FNBP1L: variants seen among roughly 807,000 people sequenced by gnomAD.
The protein encoded by FNBP1L is formin-binding protein 1-like.
FNBP1L carries 36 observed loss-of-function variants against 91.2 expected under a neutral mutation model. The observed-to-expected ratio is 0.39, with a 90% CI of 0.30 to 0.52. The LOEUF (loss-of-function observed/expected upper bound fraction) is 0.52, where lower values mean the gene tolerates loss of function less well. Ranked by LOEUF, FNBP1L falls within the 20% of genes least tolerant of loss-of-function variation. The probability of loss-of-function intolerance (pLI) is 0.66; values close to 1 mark genes in which losing one functional copy is unlikely to be tolerated. For missense variants in FNBP1L, 571 were observed against 732.1 expected (o/e 0.78, Z 2.54); for synonymous variants, 242 against 237.0 (o/e 1.02, Z -0.19).
At chr1:93,515,420 T>C (rs566110813) in intron 2 of FNBP1L, among the ~76,000 whole-genome samples, 1 of 152,010 alleles carries the variant, frequency 6.6e-6, no homozygotes, top group South Asian at 2.1e-4. Flanking sequence ...ACTGGGTATA[T>C]ACCCAAAGGA....
At chr1:93,478,112 A>G (rs891003470) in intron 1 of FNBP1L, among the ~76,000 whole-genome samples, 4 of 152,352 alleles carry the variant, frequency 2.6e-5, no homozygotes, top group African/African-American at 9.6e-5. Flanking sequence ...CTGATAGTTC[A>G]AGAATGTAAA....
intron 2 of FNBP1L, among the ~76,000 whole-genome samples, chr1:93,511,215 G>A (rs181230003): frequency 1.1e-4 from 16 of 152,320 alleles, no homozygotes; most frequent in Admixed American, 2.0e-4. Flanking sequence ...GAAAGGTCGG[G>A]TTACCCTCAA....
In FNBP1L at chr1:93,553,042, A is replaced by G. The variant is rs1221131837; in HGVS notation, c.*626A>G. On this transcript the variant is annotated 3_prime_UTR_variant, in exon 17 of 17. Coordinates refer to ENST00000271234, the MANE Select transcript of FNBP1L (RefSeq NM_001164473.3). ...CTGCTATAACTTCCCCACTGCAAAC[A>G]TTCCAGTTTTGGCATTACGAAGAAG... is the stretch of plus-strand genomic sequence containing the variant. 6.6e-6 allele frequency: 1 copy of G among 152,408 alleles called. No homozygotes were observed. Among genetic ancestry groups the G allele is most frequent in the Non-Finnish European group, 1.5e-5 (1 of 68,052 alleles). 9.4% of individuals were successfully genotyped at this position (152,408 alleles called of 1,614,324 possible).
chr1:93,450,270 AT>A (rs1306434722), intron 1 of FNBP1L, among the ~76,000 whole-genome samples: 1 of 152,206 alleles, frequency 6.6e-6, no homozygotes, highest in Non-Finnish European at 1.5e-5. Flanking sequence ...TTTCTCAGCA[AT>A]CTGAAAAGAT....
intron 2 of FNBP1L, among the ~76,000 whole-genome samples, chr1:93,518,117 G>C (rs1671195452): frequency 6.6e-6 from 1 of 152,118 alleles, no homozygotes; most frequent in Non-Finnish European, 1.5e-5. Flanking sequence ...TCTGCATCGT[G>C]ATCCCAGAAG....
chr1:93,483,383 T>C (rs1176200876), intron 1 of FNBP1L, among the ~76,000 whole-genome samples: 1 of 152,156 alleles, frequency 6.6e-6, no homozygotes, highest in African/African-American at 2.4e-5. Flanking sequence ...TCCGTTTTAC[T>C]CAGTGCCTCC....
chr1:93,499,712 G>T (rs771115487), intron 2 of FNBP1L, 129 bp downstream of exon 2: 1 of 609,636 alleles, frequency 1.6e-6, no homozygotes, highest in Non-Finnish European at 2.8e-6. Context: ...TTAGGTAACC[G>T]GTTTGTTTTA....
intron 12 of FNBP1L, 138 bp downstream of exon 12, chr1:93,544,354 C>T (rs902346851): frequency 4.1e-6 from 2 of 490,154 alleles, no homozygotes; most frequent in African/African-American, 2.0e-5. Context: ...TATACTCCTA[C>T]CCTGGAAATT....
At chr1:93,552,364 A>G (rs748640603) in intron 16 of FNBP1L, 45 bp from the exon 17 acceptor site, 1 of 1,600,836 alleles carries the variant, frequency 6.2e-7, no homozygotes, top group African/African-American at 1.3e-5. Flanking sequence ...GGTTTTACCA[A>G]AGGTCTTCAG....
intron 1 of FNBP1L, among the ~76,000 whole-genome samples, chr1:93,465,664 A>T (rs1444914585): frequency 6.6e-6 from 1 of 152,214 alleles, no homozygotes; most frequent in African/African-American, 2.4e-5. Context: ...CAGTAAACAT[A>T]TGTGTACATA....
intron 10 of FNBP1L, among the ~76,000 whole-genome samples, chr1:93,538,451 C>G (rs761986998): frequency 9.9e-5 from 15 of 151,878 alleles, no homozygotes; most frequent in Non-Finnish European, 1.9e-4. Flanking sequence ...CTATACCACT[C>G]CAGAGAAGAA....
intron 1 of FNBP1L, among the ~76,000 whole-genome samples, chr1:93,459,795 C>T (rs1283247506): frequency 2.0e-5 from 3 of 152,162 alleles, no homozygotes; most frequent in Admixed American, 2.0e-4. Context: ...ATTATTCACA[C>T]TAGTCAAGAT....
At chr1:93,525,096 A>G (rs141981807) in intron 5 of FNBP1L, among the ~76,000 whole-genome samples, 110 of 151,018 alleles carry the variant, frequency 7.3e-4, no homozygotes, top group African/African-American at 2.4e-3. Context: ...CTATTAAATG[A>G]TATTCTGTAG....
intron 10 of FNBP1L, among the ~76,000 whole-genome samples, chr1:93,538,552 A>AT (rs1174404910): frequency 6.6e-6 from 1 of 151,912 alleles, no homozygotes; most frequent in Admixed American, 6.6e-5. Flanking sequence ...AGGTTGAGAA[A>AT]TTTTTTTCTT....
At chr1:93,479,303 G>T (rs1488255937) in intron 1 of FNBP1L, among the ~76,000 whole-genome samples, 1 of 152,192 alleles carries the variant, frequency 6.6e-6, no homozygotes, top group African/African-American at 2.4e-5. Flanking sequence ...ACATGCTTCT[G>T]AGGAAACAGG....
chr1:93,516,393 A>G (rs10518536), intron 2 of FNBP1L, among the ~76,000 whole-genome samples: 3,096 of 152,288 alleles, frequency 0.02, 114 homozygotes, highest in East Asian at 0.17. Context: ...ACGGTGACTC[A>G]ATACATTCAA....
chr1:93,536,279 G>T, intron 9 of FNBP1L, 53 bp from the exon 10 acceptor site: 1 of 1,263,650 alleles, frequency 7.9e-7, no homozygotes, highest in South Asian at 2.7e-5. Context: ...TTTCATTTAG[G>T]AGAAAACTAT....
rs1212659891 is a variant in FNBP1L at position 93,511,839 on chromosome 1, G to A, written c.141-10243G>A. Among the ~76,000 whole-genome samples the A allele has an allele frequency of 1.6e-4, 24 of 150,760 alleles. No homozygotes were observed. In the Middle Eastern group the frequency reaches 0.01, roughly 64 times the overall value. On this transcript the variant is annotated intron_variant, in intron 2 of 16. Transcript: ENST00000271234. ...AAATTAGCCGGGCGTAGTGGCGGGC[G>A]CCTGTAGTCCCAGCTACTTGGGAGG...
intron 1 of FNBP1L, among the ~76,000 whole-genome samples, chr1:93,449,586 A>G (rs1456591713): frequency 6.6e-6 from 1 of 152,208 alleles, no homozygotes; most frequent in South Asian, 2.1e-4. Flanking sequence ...GAGTCCATCT[A>G]GTGAATGCTT....
Sources: allele counts gnomAD v4.1 joint callset (sites outside exome capture counted in the v4.1 genomes callset), GRCh38; gene constraint gnomAD v4.1.1; transcripts MANE v1.5; gene names NCBI Gene and HGNC (gene_info 2026-07-23, HGNC 2026-07-21).